SCAPER: variants seen among roughly 807,000 people sequenced by gnomAD.
The protein encoded by SCAPER is S phase cyclin A-associated protein in the endoplasmic reticulum.
In SCAPER, 98 loss-of-function variants were observed where a neutral mutation model predicts 182.2. That is an observed-to-expected ratio of 0.54 (90% confidence interval 0.46 to 0.64). The LOEUF (loss-of-function observed/expected upper bound fraction) is 0.64, where lower values mean the gene tolerates loss of function less well. Ranked by LOEUF, SCAPER falls within the 30% of genes least tolerant of loss-of-function variation. The pLI is 0.00. For synonymous variants in SCAPER, 605 were observed against 564.6 expected, an observed-to-expected ratio of 1.07 and a Z score of -1.01; for missense variants, 1,432 against 1,690.0, an observed-to-expected ratio of 0.85 and a Z score of 2.68.
At chr15:76,755,178 TTG>T (rs2062344410) in intron 14 of SCAPER, among the ~76,000 whole-genome samples, 1 of 152,224 alleles carries the variant, frequency 6.6e-6, no homozygotes, top group South Asian at 2.1e-4. Context: ...AGAACTGTGA[TTG>T]TGTTAGAGCA....
intron 25 of SCAPER, among the ~76,000 whole-genome samples, chr15:76,470,888 C>A (rs553214416): frequency 6.6e-6 from 1 of 152,246 alleles, no homozygotes; most frequent in East Asian, 1.9e-4. Flanking sequence ...GTACTAATTC[C>A]TGTGGCTTTA....
At chr15:76,634,315 C>T (rs776990104) in intron 21 of SCAPER, among the ~76,000 whole-genome samples, 2 of 152,172 alleles carry the variant, frequency 1.3e-5, no homozygotes, top group Admixed American at 6.5e-5. Flanking sequence ...CCAACTGCCT[C>T]GTCAGTCCCA....
intron 8 of SCAPER, among the ~76,000 whole-genome samples, chr15:76,781,580 A>C (rs146770415): frequency 6.6e-6 from 1 of 152,190 alleles, no homozygotes; most frequent in Non-Finnish European, 1.5e-5. Flanking sequence ...CCCAAGACAC[A>C]TAATTGTCAG....
intron 20 of SCAPER, among the ~76,000 whole-genome samples, chr15:76,699,629 C>A (rs1193667554): frequency 1.3e-5 from 2 of 152,126 alleles, no homozygotes; most frequent in Admixed American, 6.6e-5. Context: ...GACTGCATGC[C>A]CTGGGGGACT....
chr15:76,885,291 T>C (rs2073781514), intron 1 of SCAPER, among the ~76,000 whole-genome samples: 1 of 152,106 alleles, frequency 6.6e-6, no homozygotes, highest in African/African-American at 2.4e-5. Flanking sequence ...TGTCCAAAAT[T>C]TTCCAATTCC....
intron 22 of SCAPER, among the ~76,000 whole-genome samples, chr15:76,599,439 A>G (rs2049755131): frequency 8.2e-6 from 1 of 122,136 alleles, no homozygotes; most frequent in African/African-American, 2.5e-5. Flanking sequence ...ATGAAAACTT[A>G]TATCCAAAAT....
intron 5 of SCAPER, among the ~76,000 whole-genome samples, chr15:76,815,088 A>G (rs1568226856): frequency 1.3e-5 from 2 of 152,226 alleles, no homozygotes; most frequent in Non-Finnish European, 2.9e-5. Context: ...TAGAAGAGCT[A>G]TTATCAAAAA....
In SCAPER at chr15:76,540,807, T is replaced by C. The variant is rs150540145; in HGVS notation, c.2838+33351A>G. ...CCAATAAATTATAGTATCCTTATGATAGAATATCATGTGGTTCTGAAAGTC... is the reference window on the plus strand; with the variant it reads ...CCAATAAATTATAGTATCCTTATGACAGAATATCATGTGGTTCTGAAAGTC... On this transcript the variant is annotated intron_variant, in intron 23 of 31. Coordinates refer to ENST00000563290, the MANE Select transcript of SCAPER (RefSeq NM_020843.4). Among the ~76,000 whole-genome samples, 232 of 152,204 alleles carry C rather than the reference T, an allele frequency of 1.5e-3. 1 individual carries two copies. The highest frequency in any genetic ancestry group is 5.2e-3 in the African/African-American group (218 of 41,544).
intron 8 of SCAPER, among the ~76,000 whole-genome samples, chr15:76,781,076 T>C (rs1209174345): frequency 6.6e-6 from 1 of 152,012 alleles, no homozygotes; most frequent in Non-Finnish European, 1.5e-5. Flanking sequence ...AGGCCAGTAA[T>C]AACAAACTTC....
chr15:76,672,273 C>T (rs2057076163), intron 20 of SCAPER, among the ~76,000 whole-genome samples: 2 of 152,120 alleles, frequency 1.3e-5, no homozygotes. Context: ...ACATGTCCTT[C>T]TAAAAGTTTC....
At chr15:76,854,301 C>G (rs1480958072) in intron 4 of SCAPER, among the ~76,000 whole-genome samples, 1 of 151,786 alleles carries the variant, frequency 6.6e-6, no homozygotes, top group East Asian at 1.9e-4. Flanking sequence ...CATTAGCATT[C>G]TTATACACAA....
chr15:76,856,338 A>G (rs1411846280), intron 4 of SCAPER, among the ~76,000 whole-genome samples: 1 of 152,048 alleles, frequency 6.6e-6, no homozygotes, highest in Non-Finnish European at 1.5e-5. Context: ...GTGATGAAAT[A>G]ATCTGTACGA....
chr15:76,810,070 A>C (rs1247893520), intron 5 of SCAPER, among the ~76,000 whole-genome samples: 1 of 152,190 alleles, frequency 6.6e-6, no homozygotes, highest in African/African-American at 2.4e-5. Context: ...TGACGGAGTT[A>C]ATCACTACTA....
intron 25 of SCAPER, among the ~76,000 whole-genome samples, chr15:76,459,076 T>C (rs1306745327): frequency 6.6e-6 from 1 of 151,884 alleles, no homozygotes; most frequent in African/African-American, 2.4e-5. Flanking sequence ...TTTTTATTTT[T>C]TGTAGAGATG....
At chr15:76,376,080 G>T in intron 29 of SCAPER, 82 bp downstream of exon 29, 1 of 1,551,380 alleles carries the variant, frequency 6.4e-7, no homozygotes, top group Non-Finnish European at 8.8e-7. Flanking sequence ...GTTCCAGCCC[G>T]CTAGCCTGCC....
intron 8 of SCAPER, among the ~76,000 whole-genome samples, chr15:76,780,752 G>A (rs1161442779): frequency 6.6e-6 from 1 of 152,190 alleles, no homozygotes; most frequent in African/African-American, 2.4e-5. Flanking sequence ...AGGTTCTGGA[G>A]GGGACTTCCA....
At chr15:76,819,041 G>A (rs1316320196) in intron 5 of SCAPER, among the ~76,000 whole-genome samples, 1 of 152,190 alleles carries the variant, frequency 6.6e-6, no homozygotes, top group Non-Finnish European at 1.5e-5. Context: ...GCAGGGGGAG[G>A]AGCACCCACC....
chr15:76,427,785 T>C (rs1343371833), intron 26 of SCAPER, among the ~76,000 whole-genome samples: 1 of 151,868 alleles, frequency 6.6e-6, no homozygotes, highest in East Asian at 1.9e-4. Context: ...ATACAAAAAT[T>C]AGCCATGAGT....
intron 26 of SCAPER, among the ~76,000 whole-genome samples, chr15:76,409,612 TAA>T (rs200648725): frequency 6.8e-6 from 1 of 147,594 alleles, no homozygotes; most frequent in African/African-American, 2.5e-5. Context: ...CCGAATCTAT[TAA>T]AAAAAAAAAC....
Sources: gnomAD v4.1 joint callset for allele counts (sites outside exome capture counted in the v4.1 genomes callset) on GRCh38, gnomAD v4.1.1 for gene constraint, MANE v1.5 for transcripts, NCBI Gene and HGNC (gene_info 2026-07-23, HGNC 2026-07-21) for gene names.